The following LOC400499 variants were observed in gnomAD, a reference collection of about 807,000 sequenced individuals.
chr16:11,478,116 C>A, the LOC400499 span: 1 of 393,240 alleles, frequency 2.5e-6, no homozygotes, highest in Non-Finnish European at 4.5e-6. Context: ...AGTTTGAGAC[C>A]AGCCTGGCCA....
At chr16:11,425,751 C>T in the LOC400499 span, among the ~76,000 whole-genome samples, 13 of 152,122 alleles carry the variant, frequency 8.5e-5, no homozygotes, top group Admixed American at 3.9e-4. Context: ...CAGACGTCTT[C>T]GCTGGTAAAA....
At chr16:11,452,755 A>C in the LOC400499 span, among the ~76,000 whole-genome samples, 1 of 152,234 alleles carries the variant, frequency 6.6e-6, no homozygotes, top group Non-Finnish European at 1.5e-5. Flanking sequence ...ACTTGTCACC[A>C]TCTGGGGACA....
chr16:11,430,275 C>G, the LOC400499 span, among the ~76,000 whole-genome samples: 1 of 152,092 alleles, frequency 6.6e-6, no homozygotes, highest in African/African-American at 2.4e-5. Flanking sequence ...CACTTGAGGC[C>G]AGGAGTTCGA....
the LOC400499 span, among the ~76,000 whole-genome samples, chr16:11,519,511 C>A: frequency 3.3e-5 from 5 of 152,054 alleles, no homozygotes; most frequent in African/African-American, 1.2e-4. Context: ...GCAAGGCAGG[C>A]GGATCACTTG....
chr16:11,372,719 G>T, the LOC400499 span: 1 of 982,290 alleles, frequency 1.0e-6, no homozygotes, highest in Non-Finnish European at 1.2e-6. Context: ...GCCTAGTGCT[G>T]GCATAGACAA....
the LOC400499 span, chr16:11,457,124 G>A: frequency 6.0e-6 from 8 of 1,330,140 alleles, no homozygotes; most frequent in Non-Finnish European, 7.0e-6. Context: ...AGGCAGCAGC[G>A]AGCCAAGATT....
the LOC400499 span, chr16:11,383,647 T>A: frequency 8.1e-7 from 1 of 1,232,146 alleles, no homozygotes; most frequent in Non-Finnish European, 1.0e-6. Flanking sequence ...CTTACCACAC[T>A]GTGGAGGAGG....
chr16:11,429,086 A>G, the LOC400499 span, among the ~76,000 whole-genome samples: 1 of 152,162 alleles, frequency 6.6e-6, no homozygotes, highest in African/African-American at 2.4e-5. Context: ...GGAGGGTGAT[A>G]TGGTTTGGAC....
the LOC400499 span, among the ~76,000 whole-genome samples, chr16:11,433,822 A>G: frequency 1.3e-5 from 2 of 152,226 alleles, no homozygotes; most frequent in African/African-American, 4.8e-5. Context: ...GAGCCCAGAG[A>G]GGGCGGGGAA....
chr16:11,457,799 A>G, the LOC400499 span, among the ~76,000 whole-genome samples: 1 of 152,186 alleles, frequency 6.6e-6, no homozygotes, highest in Non-Finnish European at 1.5e-5. Flanking sequence ...GATAAACAAA[A>G]TGCTGTCTAT....
the LOC400499 span, among the ~76,000 whole-genome samples, chr16:11,468,313 C>T: frequency 2.0e-5 from 3 of 152,146 alleles, no homozygotes; most frequent in Non-Finnish European, 2.9e-5. Flanking sequence ...ACAAGTTATA[C>T]CTTTCTCTAT....
At chr16:11,437,587 G>A in the LOC400499 span, among the ~76,000 whole-genome samples, 7 of 152,006 alleles carry the variant, frequency 4.6e-5, no homozygotes, top group Admixed American at 3.9e-4. Flanking sequence ...TAATGTTTGA[G>A]CTGGGCACAG....
the LOC400499 span, among the ~76,000 whole-genome samples, chr16:11,455,404 G>C: frequency 0.015 from 2,299 of 152,116 alleles, 23 homozygotes; most frequent in Non-Finnish European, 0.026. Context: ...AGAAAAAATG[G>C]CTAAAAGAAT....
chr16:11,460,755 G>A, the LOC400499 span: 114 of 1,301,518 alleles, frequency 8.8e-5, no homozygotes, highest in South Asian at 3.0e-4. Context: ...AGAACCTGTC[G>A]ATGGGGAGGT....
chr16:11,468,049 A>G, the LOC400499 span, among the ~76,000 whole-genome samples: 1 of 152,166 alleles, frequency 6.6e-6, no homozygotes, highest in East Asian at 1.9e-4. Flanking sequence ...TCCAGGAGCG[A>G]GACCTAGGTC....
chr16:11,416,297 C>A, the LOC400499 span, among the ~76,000 whole-genome samples: 1 of 152,114 alleles, frequency 6.6e-6, no homozygotes, highest in African/African-American at 2.4e-5. Flanking sequence ...CCCTAGGGGA[C>A]TGGGGAGTCC....
the LOC400499 span, among the ~76,000 whole-genome samples, chr16:11,436,608 G>C: frequency 6.6e-6 from 1 of 151,502 alleles, no homozygotes; most frequent in Non-Finnish European, 1.5e-5. Flanking sequence ...TCTGTTCTGA[G>C]ACGGAGTCTT....
the LOC400499 span, among the ~76,000 whole-genome samples, chr16:11,429,832 C>T: frequency 6.6e-6 from 1 of 151,914 alleles, no homozygotes; most frequent in East Asian, 1.9e-4. Context: ...TGGCAATCAT[C>T]ATAACAGTAA....
At chr16:11,400,410 A>G in the LOC400499 span, among the ~76,000 whole-genome samples, 1 of 62,590 alleles carries the variant, frequency 1.6e-5, no homozygotes, top group African/African-American at 5.9e-5. Context: ...TGCCCCACCC[A>G]CCCACCCAGT....
Sources: gnomAD v4.1 joint callset for allele counts (sites outside exome capture counted in the v4.1 genomes callset) on GRCh38, gnomAD v4.1.1 for gene constraint, MANE v1.5 for transcripts.